The following NAV3 variants were observed in gnomAD, a reference collection of about 807,000 sequenced individuals.
NAV3 encodes pore membrane and/or filament interacting like protein 1.
A neutral mutation model predicts 244.7 loss-of-function variants in NAV3; 87 were observed. The ratio of observed to expected loss-of-function variants is 0.36; its 90% CI spans 0.30 to 0.42. NAV3 has a LOEUF of 0.42. Among genes scored for constraint, NAV3 ranks in the 20% least tolerant of loss-of-function variants. The pLI, the probability that NAV3 is intolerant of heterozygous loss-of-function variation, is 1.00. For synonymous variants in NAV3, 1,126 were observed against 1,042.2 expected (o/e 1.08, Z -1.55); for missense variants, 2,663 against 2,893.3 (o/e 0.92, Z 1.83).
intron 2 of NAV3, among the ~76,000 whole-genome samples, chr12:77,816,761 A>G (rs1872542570): frequency 6.6e-6 from 1 of 151,134 alleles, no homozygotes; most frequent in African/African-American, 2.4e-5. Flanking sequence ...GAGAAAAAAA[A>G]TCGTATATCA....
intron 12 of NAV3, among the ~76,000 whole-genome samples, chr12:78,068,772 A>T (rs1189996665): frequency 6.6e-6 from 1 of 151,128 alleles, no homozygotes; most frequent in Admixed American, 6.6e-5. Context: ...TGGAAGAGGG[A>T]GAAATATGTT....
intron 25 of NAV3, among the ~76,000 whole-genome samples, chr12:78,175,937 T>C (rs1319551296): frequency 6.7e-6 from 1 of 150,130 alleles, no homozygotes; most frequent in East Asian, 2.0e-4. Context: ...AAAAGGAGAA[T>C]GGGAGTTAAT....
At chr12:77,710,586 G>A (rs1006555629) in intron 2 of NAV3, among the ~76,000 whole-genome samples, 14 of 152,198 alleles carry the variant, frequency 9.2e-5, no homozygotes, top group Non-Finnish European at 1.8e-4. Context: ...TTACTTAAAA[G>A]TGCTTAGAAA....
chr12:78,037,513 C>T, intron 9 of NAV3: 2 of 589,702 alleles, frequency 3.4e-6, no homozygotes, highest in South Asian at 2.1e-5. Context: ...TACATAGTTA[C>T]ATTTTAAATT....
intron 1 of NAV3, among the ~76,000 whole-genome samples, chr12:77,938,629 G>T (rs557788725): frequency 6.6e-6 from 1 of 152,026 alleles, no homozygotes; most frequent in Non-Finnish European, 1.5e-5. Context: ...TTAGACCCAA[G>T]ATTCATTCAA....
intron 2 of NAV3, among the ~76,000 whole-genome samples, chr12:77,811,568 G>A (rs973166451): frequency 7.2e-5 from 11 of 152,252 alleles, no homozygotes; most frequent in African/African-American, 2.6e-4. Context: ...GTCAGAAGGG[G>A]CTCACCTAAG....
At chr12:78,207,475 T>C (rs1052227480) in intron 39 of NAV3, among the ~76,000 whole-genome samples, 4 of 152,156 alleles carry the variant, frequency 2.6e-5, no homozygotes, top group African/African-American at 9.7e-5. Context: ...TCTACCTATA[T>C]GAACTGCAGT....
chr12:78,088,281 C>CA (rs148232861), intron 12 of NAV3, among the ~76,000 whole-genome samples: 29,698 of 151,776 alleles, frequency 0.2, 2,882 homozygotes, highest in Non-Finnish European at 0.21. Flanking sequence ...ATGACATAGA[C>CA]AAATATAACA....
intron 1 of NAV3, among the ~76,000 whole-genome samples, chr12:77,891,713 C>T (rs1478184950): frequency 6.6e-6 from 1 of 152,196 alleles, no homozygotes; most frequent in Non-Finnish European, 1.5e-5. Flanking sequence ...AGTTTAAGGA[C>T]TTGTACATGA....
intron 2 of NAV3, among the ~76,000 whole-genome samples, chr12:77,706,078 G>C (rs1484720036): frequency 6.6e-6 from 1 of 151,308 alleles, no homozygotes; most frequent in Non-Finnish European, 1.5e-5. Flanking sequence ...AGAGAGGAAA[G>C]TTATTAAACA....
intron 18 of NAV3, 132 bp from the exon 19 acceptor site, chr12:78,137,045 T>C (rs1956402823): frequency 1.3e-6 from 1 of 774,484 alleles, no homozygotes; most frequent in Non-Finnish European, 1.9e-6. Flanking sequence ...AGGCAGACTC[T>C]TACCTTAAAT....
At chr12:78,142,292 G>A (rs1417035225) in intron 20 of NAV3, among the ~76,000 whole-genome samples, 1 of 151,794 alleles carries the variant, frequency 6.6e-6, no homozygotes, top group Non-Finnish European at 1.5e-5. Context: ...TCAAGAAAAG[G>A]ATCATGAGTT....
chr12:77,862,115 A>G (rs1399473255), intron 1 of NAV3, among the ~76,000 whole-genome samples: 1 of 151,530 alleles, frequency 6.6e-6, no homozygotes, highest in African/African-American at 2.4e-5. Context: ...CAGTTCTGAG[A>G]TTTCTACAGA....
At chr12:77,802,630 A>G (rs1871768118) in intron 2 of NAV3, among the ~76,000 whole-genome samples, 1 of 152,126 alleles carries the variant, frequency 6.6e-6, no homozygotes. Flanking sequence ...CAAAGCCAAA[A>G]ACAGCTTTAA....
chr12:77,642,348 A>G (rs1019145552), intron 2 of NAV3, among the ~76,000 whole-genome samples: 5 of 151,930 alleles, frequency 3.3e-5, no homozygotes, highest in African/African-American at 1.2e-4. Flanking sequence ...GCCTTTCAGG[A>G]GCGTTGGTTT....
chr12:78,120,049 A>T, intron 15 of NAV3, 104 bp downstream of exon 15: 1 of 732,990 alleles, frequency 1.4e-6, no homozygotes, highest in Non-Finnish European at 1.9e-6. Flanking sequence ...AAATATGTAT[A>T]AGGTATATAT....
intron 5 of NAV3, among the ~76,000 whole-genome samples, chr12:77,991,826 T>C (rs1871493826): frequency 6.6e-6 from 1 of 151,868 alleles, no homozygotes; most frequent in African/African-American, 2.4e-5. Flanking sequence ...AGGTCAGGAG[T>C]TTGAGACCAT....
At position 77,768,174 on chromosome 12, in the gene NAV3, T is replaced by C. The variant is rs148887693; in HGVS notation, c.73-172145T>C. Among the ~76,000 whole-genome samples the C allele has an allele frequency of 2.0e-3, 300 of 152,254 alleles. 5 individuals carry two copies. Among genetic ancestry groups the C allele is most frequent in the Admixed American group, 0.017 (257 of 15,304 alleles). On this transcript the variant is annotated intron_variant, in intron 2 of 8. Transcript: ENST00000550042. ...TTTATGGGCTTCAGAGGGAAGGAAG[T>C]ACATGCTGATTTGTTCATGGGTGGC...
intron 2 of NAV3, among the ~76,000 whole-genome samples, chr12:77,718,058 T>G (rs908454789): frequency 6.6e-6 from 1 of 152,192 alleles, no homozygotes; most frequent in East Asian, 1.9e-4. Context: ...TTTTCCTTGC[T>G]ATGCAAAAGC....
Sources: allele counts gnomAD v4.1 joint callset (sites outside exome capture counted in the v4.1 genomes callset), GRCh38; gene constraint gnomAD v4.1.1; transcripts MANE v1.5; gene names NCBI Gene and HGNC (gene_info 2026-07-23, HGNC 2026-07-21).